Variants in MAP2 observed in about 807,000 individuals in gnomAD.
MAP2 encodes microtubule associated protein 2, also known as microtubule-associated protein 2.
MAP2 carries 14 observed loss-of-function variants against 137.6 expected under a neutral mutation model. That is an observed-to-expected ratio of 0.10 (90% CI 0.07 to 0.16). MAP2 has a LOEUF of 0.16. Among genes scored for constraint, MAP2 ranks in the 10% least tolerant of loss-of-function variants. The probability of loss-of-function intolerance (pLI) is 1.00; values close to 1 mark genes in which losing one functional copy is unlikely to be tolerated. For missense variants in MAP2, 2,088 were observed against 2,191.5 expected, an observed-to-expected ratio of 0.95 and a Z score of 0.94; for synonymous variants, 786 against 782.3, an observed-to-expected ratio of 1.00 and a Z score of -0.08.
chr2:209,428,251 A>G (rs1047158688), intron 1 of MAP2, among the ~76,000 whole-genome samples: 1 of 152,206 alleles, frequency 6.6e-6, no homozygotes, highest in Non-Finnish European at 1.5e-5. Context: ...GTAAAATTCT[A>G]TGGAAAGTTA....
At chr2:209,543,365 GA>G (rs1372405333) in intron 2 of MAP2, among the ~76,000 whole-genome samples, 2 of 152,156 alleles carry the variant, frequency 1.3e-5, no homozygotes, top group African/African-American at 4.8e-5. Context: ...GGAAAAGCTT[GA>G]ATTACTTTGA....
intron 7 of MAP2, among the ~76,000 whole-genome samples, chr2:209,688,381 CTTTAAATAG>C (rs1392888188): frequency 1.3e-5 from 2 of 151,938 alleles, no homozygotes; most frequent in African/African-American, 4.8e-5. Context: ...TAAATAGCAT[CTTTAAATAG>C]CATCTTTAAA....
chr2:209,635,586 T>C (rs1203733050), intron 4 of MAP2, among the ~76,000 whole-genome samples: 3 of 152,168 alleles, frequency 2.0e-5, no homozygotes, highest in Non-Finnish European at 4.4e-5. Flanking sequence ...AGGGTAGCAG[T>C]GCACCTGGTT....
chr2:209,628,287 C>T (rs1224963875), intron 4 of MAP2, among the ~76,000 whole-genome samples: 1 of 152,156 alleles, frequency 6.6e-6, no homozygotes, highest in African/African-American at 2.4e-5. Flanking sequence ...ATCGCTTGAA[C>T]CCGGGAGACG....
At chr2:209,563,519 A>G (rs2072674359) in intron 2 of MAP2, among the ~76,000 whole-genome samples, 1 of 152,180 alleles carries the variant, frequency 6.6e-6, no homozygotes, top group African/African-American at 2.4e-5. Flanking sequence ...GTTCAAGATT[A>G]AGGACACCTG....
At chr2:209,690,023 G>C (rs992683073) in intron 7 of MAP2, among the ~76,000 whole-genome samples, 12 of 152,176 alleles carry the variant, frequency 7.9e-5, no homozygotes, top group African/African-American at 2.9e-4. Context: ...TGGACTTTGT[G>C]ATAAAGCTGT....
intron 2 of MAP2, among the ~76,000 whole-genome samples, chr2:209,523,372 G>C (rs1298829439): frequency 6.6e-6 from 1 of 152,156 alleles, no homozygotes; most frequent in Non-Finnish European, 1.5e-5. Flanking sequence ...TAGTGTTTAT[G>C]ATGTTGCCCA....
At chr2:209,539,754 G>A (rs993750239) in intron 2 of MAP2, among the ~76,000 whole-genome samples, 7 of 151,710 alleles carry the variant, frequency 4.6e-5, no homozygotes, top group Non-Finnish European at 2.9e-5. Context: ...CAAATTTGTT[G>A]TTGACAAACT....
At chr2:209,696,815 T>C (rs2060291738) in intron 9 of MAP2, 67 bp downstream of exon 9, 4 of 1,484,796 alleles carry the variant, frequency 2.7e-6, no homozygotes, top group Non-Finnish European at 2.7e-6. Context: ...TTTGCAGAAC[T>C]GCCTAACAGT....
chr2:209,513,809 G>A (rs1431422402), intron 2 of MAP2, among the ~76,000 whole-genome samples: 1 of 152,058 alleles, frequency 6.6e-6, no homozygotes, highest in Non-Finnish European at 1.5e-5. Context: ...ATTAGGTCAT[G>A]TGAACAAATG....
chr2:209,621,522 G>A (rs551068698), intron 3 of MAP2, among the ~76,000 whole-genome samples: 1 of 151,990 alleles, frequency 6.6e-6, no homozygotes, highest in East Asian at 2.0e-4. Flanking sequence ...GCCTCCCAAA[G>A]TGCTAGGATT....
intron 4 of MAP2, among the ~76,000 whole-genome samples, chr2:209,646,262 T>C (rs2153591120): frequency 6.6e-6 from 1 of 152,288 alleles, no homozygotes; most frequent in South Asian, 2.1e-4. Flanking sequence ...ATTTCTAAAT[T>C]ACAATGTAAA....
intron 2 of MAP2, among the ~76,000 whole-genome samples, chr2:209,532,161 C>A (rs1404842250): frequency 6.7e-6 from 1 of 148,568 alleles, no homozygotes; most frequent in African/African-American, 2.5e-5. Context: ...TCACTTGAGT[C>A]TGGGAGGTGG....
chr2:209,688,930 A>G (rs572899826), intron 7 of MAP2, among the ~76,000 whole-genome samples: 2 of 152,310 alleles, frequency 1.3e-5, no homozygotes, highest in African/African-American at 4.8e-5. Flanking sequence ...GTTCTCTGAT[A>G]AAGAAATATA....
intron 4 of MAP2, among the ~76,000 whole-genome samples, chr2:209,644,522 C>T (rs1049489543): frequency 2.0e-5 from 3 of 151,950 alleles, no homozygotes; most frequent in African/African-American, 7.3e-5. Flanking sequence ...CAGGCAGAAC[C>T]TTTCTGTGTT....
intron 3 of MAP2, among the ~76,000 whole-genome samples, chr2:209,599,141 T>C (rs1200122885): frequency 6.6e-6 from 1 of 152,208 alleles, no homozygotes; most frequent in African/African-American, 2.4e-5. Flanking sequence ...ATTGCCATTC[T>C]AACTGGTGTG....
chr2:209,541,417 T>A (rs186245112), intron 2 of MAP2, among the ~76,000 whole-genome samples: 1 of 151,134 alleles, frequency 6.6e-6, no homozygotes, highest in Non-Finnish European at 1.5e-5. Flanking sequence ...CCGATCAGGG[T>A]GGTGGTTTCT....
In MAP2 at chr2:209,693,463, G is replaced by C; in HGVS notation, c.1293G>C (p.Gln431His). The C allele has an allele frequency of 6.2e-7, 1 of 1,613,972 alleles. No homozygotes were observed. The highest frequency in any genetic ancestry group is 8.5e-7 in the Non-Finnish European group (1 of 1,179,988). The change falls in exon 8 of 16, where the codon CAG becomes CAC. Residue 431 changes from glutamine (Q) to histidine (H), a missense_variant. This residue lies in a region of MAP2 where 859 missense variants were observed against 794.5 expected (regional missense o/e 1.08). Transcript: ENST00000682079. ...QQRDTFTPSG[Q>H]EPILTEKETE... Reference sequence around the variant, plus strand: ...GGGATACTTTCACCCCCAGTGGACAGGAACCTATACTTACTGAAAAGGAAA... The same window carrying C: ...GGGATACTTTCACCCCCAGTGGACACGAACCTATACTTACTGAAAAGGAAA...
At chr2:209,656,983 G>C (rs748537695) in intron 5 of MAP2, among the ~76,000 whole-genome samples, 5 of 152,014 alleles carry the variant, frequency 3.3e-5, no homozygotes, top group Non-Finnish European at 7.4e-5. Context: ...TTATGTCCTT[G>C]TGTATTCATT....
Sources: gnomAD v4.1 joint callset for allele counts (sites outside exome capture counted in the v4.1 genomes callset) on GRCh38, gnomAD v4.1.1 for gene constraint, gnomAD v4.1.1 regional missense constraint, MANE v1.5 for transcripts, NCBI Gene and HGNC (gene_info 2026-07-23, HGNC 2026-07-21) for gene names.